Variants in RORA observed in about 807,000 individuals in gnomAD.
RORA encodes nuclear receptor ROR-alpha.
In RORA, 7 loss-of-function variants were observed where a neutral mutation model predicts 69.5. The ratio of observed to expected loss-of-function variants is 0.10; its 90% CI spans 0.06 to 0.19. The LOEUF (loss-of-function observed/expected upper bound fraction) is 0.19, where lower values mean the gene tolerates loss of function less well. Among genes scored for constraint, RORA ranks in the 10% least tolerant of loss-of-function variants. The probability of loss-of-function intolerance (pLI) is 1.00; values close to 1 mark genes in which losing one functional copy is unlikely to be tolerated. For synonymous variants in RORA, 261 were observed against 240.8 expected (o/e 1.08, Z -0.78); for missense variants, 457 against 663.0 (o/e 0.69, Z 3.41).
chr15:60,931,293 G>A (rs575678547), intron 1 of RORA, among the ~76,000 whole-genome samples: 1 of 152,196 alleles, frequency 6.6e-6, no homozygotes, highest in African/African-American at 2.4e-5. Context: ...CAGAAGTGAA[G>A]GGCAGCCTAC....
chr15:61,026,862 A>G (rs1895843531), intron 1 of RORA, among the ~76,000 whole-genome samples: 1 of 152,298 alleles, frequency 6.6e-6, no homozygotes, highest in African/African-American at 2.4e-5. Context: ...TTAACACCTT[A>G]TGGGAGACCT....
At chr15:60,700,266 C>T (rs2070964001) in intron 1 of RORA, among the ~76,000 whole-genome samples, 2 of 152,134 alleles carry the variant, frequency 1.3e-5, no homozygotes, top group Admixed American at 1.3e-4. Flanking sequence ...GGACATTTGC[C>T]ATCCCAGAGG....
intron 1 of RORA, among the ~76,000 whole-genome samples, chr15:61,020,395 G>A (rs1216737077): frequency 6.6e-6 from 1 of 152,252 alleles, no homozygotes; most frequent in Non-Finnish European, 1.5e-5. Flanking sequence ...AATGGGGAAA[G>A]AAGAGCCAGG....
At chr15:61,020,073 G>C (rs780109168) in intron 1 of RORA, among the ~76,000 whole-genome samples, 1 of 152,156 alleles carries the variant, frequency 6.6e-6, no homozygotes, top group Non-Finnish European at 1.5e-5. Context: ...ATCACAGAAC[G>C]TCCCTTTGTA....
chr15:60,631,846 A>G (rs1188073619), intron 2 of RORA, among the ~76,000 whole-genome samples: 5 of 152,208 alleles, frequency 3.3e-5, no homozygotes, highest in Non-Finnish European at 7.3e-5. Flanking sequence ...GCCAGCTCAC[A>G]GGTGGGCCGC....
rs763042094 is a variant in RORA at position 60,600,214 on chromosome 15, T to C, written c.197-68363A>G. On this transcript the variant is annotated intron_variant, in intron 2 of 10. Coordinates refer to ENST00000335670, the MANE Select transcript of RORA (RefSeq NM_134261.3). ...TGGTTTTCCCTATTTTTGTCATGCA[T>C]GATCAAGGACTGCAGAGTAACGTGG... Among the ~76,000 whole-genome samples the C allele has an allele frequency of 3.9e-5, 6 of 152,228 alleles. 1 individual carries two copies. Among genetic ancestry groups the C allele is most frequent in the Non-Finnish European group, 8.8e-5 (6 of 68,036 alleles).
At chr15:61,017,480 C>T (rs139970926) in intron 1 of RORA, among the ~76,000 whole-genome samples, 2 of 152,198 alleles carry the variant, frequency 1.3e-5, no homozygotes, top group East Asian at 1.9e-4. Context: ...CTCAAGAACA[C>T]AAATTGAGTC....
chr15:61,189,491 G>T (rs983548391), intron 1 of RORA, among the ~76,000 whole-genome samples: 1 of 152,082 alleles, frequency 6.6e-6, no homozygotes, highest in Non-Finnish European at 1.5e-5. Context: ...GAGCCCTGTG[G>T]GGCCAGCACA....
intron 1 of RORA, among the ~76,000 whole-genome samples, chr15:61,215,659 T>C (rs1453216153): frequency 6.6e-6 from 1 of 152,240 alleles, no homozygotes; most frequent in African/African-American, 2.4e-5. Flanking sequence ...TGTGTGTGTA[T>C]ATTTATATAT....
intron 1 of RORA, among the ~76,000 whole-genome samples, chr15:61,042,438 CAG>C (rs748209305): frequency 1.5e-4 from 23 of 152,266 alleles, no homozygotes; most frequent in Middle Eastern, 6.8e-3. Flanking sequence ...TCGTTACTTT[CAG>C]ACACATTCTG....
chr15:61,015,415 T>C (rs1895245028), intron 1 of RORA, among the ~76,000 whole-genome samples: 1 of 152,150 alleles, frequency 6.6e-6, no homozygotes, highest in South Asian at 2.1e-4. Flanking sequence ...GCTGCTCTTA[T>C]AAGTTGAGAT....
intron 1 of RORA, among the ~76,000 whole-genome samples, chr15:60,751,127 G>T (rs1247932470): frequency 6.6e-6 from 1 of 152,200 alleles, no homozygotes; most frequent in East Asian, 1.9e-4. Flanking sequence ...GAGGCCCTAA[G>T]GAGTATGTCT....
rs534708731 is a variant in RORA at position 61,159,320 on chromosome 15, A to G, written c.166+69733T>C. Among the ~76,000 whole-genome samples the G allele has an allele frequency of 5.9e-5, 9 of 152,284 alleles. No homozygotes were observed. The South Asian group carries it at 1.5e-3, about 25-fold the overall frequency. On this transcript the variant is annotated intron_variant, in intron 1 of 10. Transcript: ENST00000335670. ...TACCCATCTACCCTTGCTGAACATCATTAAAACATTAAGCCATCATTTAAC... is the reference window on the plus strand; with the variant it reads ...TACCCATCTACCCTTGCTGAACATCGTTAAAACATTAAGCCATCATTTAAC...
intron 2 of RORA, among the ~76,000 whole-genome samples, chr15:60,646,270 C>T (rs2070044735): frequency 1.3e-5 from 2 of 152,198 alleles, no homozygotes; most frequent in Non-Finnish European, 2.9e-5. Flanking sequence ...GCTTCCAACT[C>T]GCAAACTCTT....
rs543215485 is a variant in RORA, at chr15:60,947,111, G to C, written c.167-268425C>G. ...CAGCCGCCCTGTCCGGGAGGGAGGT[G>C]GGGGGGTCAGCCCCCACCCGGCCAG... On this transcript the variant is annotated intron_variant, in intron 1 of 10. Coordinates refer to ENST00000335670, the MANE Select transcript of RORA (RefSeq NM_134261.3). Among the ~76,000 whole-genome samples the C allele has an allele frequency of 1.5e-4, 22 of 147,260 alleles. No homozygotes were observed. The South Asian group carries it at 3.5e-3, about 24-fold the overall frequency.
At chr15:60,947,490 G>A (rs1413113407) in intron 1 of RORA, among the ~76,000 whole-genome samples, 1 of 151,718 alleles carries the variant, frequency 6.6e-6, no homozygotes, top group Non-Finnish European at 1.5e-5. Context: ...ATGCTTGAAG[G>A]CAGCATGCTC....
intron 10 of RORA, among the ~76,000 whole-genome samples, chr15:60,498,281 C>G (rs2141250765): frequency 6.6e-6 from 1 of 152,238 alleles, no homozygotes; most frequent in East Asian, 1.9e-4. Flanking sequence ...TGCCTTCTAC[C>G]ACTGTGCAAA....
chr15:60,876,063 C>T (rs1390574574), intron 1 of RORA, among the ~76,000 whole-genome samples: 1 of 152,074 alleles, frequency 6.6e-6, no homozygotes, highest in Non-Finnish European at 1.5e-5. Flanking sequence ...AGAGAAAAAC[C>T]AGTTGTGAAA....
rs560669003 is a variant in RORA at position 60,696,916 on chromosome 15, A to G, written c.167-18230T>C. Among the ~76,000 whole-genome samples the G allele has an allele frequency of 7.9e-4, 120 of 152,352 alleles. 2 individuals carry two copies. Among genetic ancestry groups the G allele is most frequent in the Admixed American group, 1.4e-3 (21 of 15,306 alleles). On this transcript the variant is annotated intron_variant, in intron 1 of 10. Transcript: ENST00000335670. Reference sequence around the variant, plus strand: ...AGGCATTTATATTCTCGGAGGACACAGTCCTGATTCTTCTGATCATTTTTC... The same window carrying G: ...AGGCATTTATATTCTCGGAGGACACGGTCCTGATTCTTCTGATCATTTTTC...
Sources: gnomAD v4.1 joint callset for allele counts (sites outside exome capture counted in the v4.1 genomes callset) on GRCh38, gnomAD v4.1.1 for gene constraint, MANE v1.5 for transcripts, NCBI Gene and HGNC (gene_info 2026-07-23, HGNC 2026-07-21) for gene names.